The following DIP2B variants were observed in gnomAD, a reference collection of about 807,000 sequenced individuals.
DIP2B encodes the protein disco-interacting protein 2 homolog B.
DIP2B carries 76 observed loss-of-function variants against 198.0 expected under a neutral mutation model. The observed-to-expected ratio is 0.38, with a 90% confidence interval of 0.32 to 0.46. DIP2B has a LOEUF of 0.46. Ranked by LOEUF, DIP2B falls within the 20% of genes least tolerant of loss-of-function variation. The pLI is 0.99. For synonymous variants in DIP2B, 701 were observed against 739.1 expected, an observed-to-expected ratio of 0.95 and a Z score of 0.84; for missense variants, 1,559 against 1,978.4, an observed-to-expected ratio of 0.79 and a Z score of 4.02.
chr12:50,700,044 A>T (rs2139560127), intron 19 of DIP2B, among the ~76,000 whole-genome samples: 1 of 152,342 alleles, frequency 6.6e-6, no homozygotes, highest in South Asian at 2.1e-4. Flanking sequence ...CTTTCACAGG[A>T]GTCAGGTTGC....
intron 1 of DIP2B, among the ~76,000 whole-genome samples, chr12:50,554,152 T>C (rs1958449552): frequency 6.6e-6 from 1 of 152,222 alleles, no homozygotes; most frequent in Admixed American, 6.5e-5. Context: ...TGATTCTTTT[T>C]GGTTTTACCC....
intron 1 of DIP2B, among the ~76,000 whole-genome samples, chr12:50,620,984 T>C (rs903602289): frequency 6.6e-6 from 1 of 152,224 alleles, no homozygotes; most frequent in African/African-American, 2.4e-5. Context: ...AGTAGAGATT[T>C]CTGGATCTTA....
intron 1 of DIP2B, among the ~76,000 whole-genome samples, chr12:50,581,982 C>T (rs79382803): frequency 0.013 from 2,021 of 152,084 alleles, 51 homozygotes; most frequent in African/African-American, 0.046. Context: ...ACTGAATCCT[C>T]GAGTTAGGCC....
intron 1 of DIP2B, among the ~76,000 whole-genome samples, chr12:50,544,108 GT>G (rs1958353566): frequency 6.6e-6 from 1 of 150,926 alleles, no homozygotes; most frequent in Non-Finnish European, 1.5e-5. Context: ...CGCGCCTGTA[GT>G]CCCAGTTGCT....
intron 1 of DIP2B, among the ~76,000 whole-genome samples, chr12:50,538,717 A>C (rs1958292452): frequency 1.3e-5 from 2 of 152,162 alleles, no homozygotes; most frequent in Non-Finnish European, 2.9e-5. Flanking sequence ...TTCACTCTGT[A>C]TGTACAAATT....
intron 3 of DIP2B, among the ~76,000 whole-genome samples, chr12:50,658,799 C>T (rs974017937): frequency 2.0e-5 from 3 of 152,098 alleles, no homozygotes; most frequent in Non-Finnish European, 2.9e-5. Flanking sequence ...TTGCAAGAAA[C>T]AGAAGCTGGC....
chr12:50,738,057 G>A (rs1940170099), intron 35 of DIP2B, among the ~76,000 whole-genome samples: 1 of 152,064 alleles, frequency 6.6e-6, no homozygotes, highest in Non-Finnish European at 1.5e-5. Context: ...TAATAGCACT[G>A]GTGGCCGGGC....
intron 1 of DIP2B, among the ~76,000 whole-genome samples, chr12:50,563,387 A>G (rs10876059): frequency 0.32 from 48,433 of 150,964 alleles, 7,899 homozygotes; most frequent in South Asian, 0.39. Context: ...GGATTTTGCC[A>G]TATTGCCCAG....
intron 1 of DIP2B, among the ~76,000 whole-genome samples, chr12:50,578,598 C>T (rs576313599): frequency 1.3e-3 from 200 of 149,606 alleles, no homozygotes; most frequent in African/African-American, 4.8e-3. Flanking sequence ...AGCTCGGCCT[C>T]CCGGGTTCAT....
intron 19 of DIP2B, 32 bp downstream of exon 19, chr12:50,699,234 G>A: frequency 1.9e-6 from 3 of 1,612,976 alleles, no homozygotes; most frequent in South Asian, 1.1e-5. Flanking sequence ...CAGGGAAAAT[G>A]TTTGGGGATT....
intron 3 of DIP2B, among the ~76,000 whole-genome samples, chr12:50,655,961 T>C (rs1938547972): frequency 1.3e-5 from 2 of 152,070 alleles, no homozygotes; most frequent in African/African-American, 2.4e-5. Flanking sequence ...GGTGACAGAG[T>C]GAGACCCTGT....
In DIP2B at chr12:50,714,477, G is replaced by A. The variant is rs1939676880; in HGVS notation, c.2732G>A (p.Gly911Glu). ...ACATTGCCAAAAACTCCACTAGGAG[G>A]AATCCATATATCTCAGACGAAACAA... ...ANTLPKTPLG[G>E]IHISQTKQLF... Residue 911 changes from glycine (G) to glutamate (E), a missense_variant, in exon 23 of 38, where the codon GGA becomes GAA. Physicochemically the swap from Gly to Glu is moderately conservative, Grantham distance 98. Transcript: ENST00000301180. The A allele has an allele frequency of 6.2e-7, 1 of 1,614,050 alleles. No homozygotes were observed. Among genetic ancestry groups the A allele is most frequent in the Non-Finnish European group, 8.5e-7 (1 of 1,180,042 alleles).
chr12:50,555,999 T>C (rs1958467291), intron 1 of DIP2B, among the ~76,000 whole-genome samples: 1 of 152,054 alleles, frequency 6.6e-6, no homozygotes, highest in Non-Finnish European at 1.5e-5. Flanking sequence ...ATTTAGCATG[T>C]CCTGCTTCTC....
intron 1 of DIP2B, among the ~76,000 whole-genome samples, chr12:50,590,740 T>TATATATATA (rs1269728816): frequency 6.6e-6 from 1 of 152,226 alleles, no homozygotes; most frequent in Non-Finnish European, 1.5e-5. Flanking sequence ...AGTGAAAGCA[T>TATATATATA]GTTTAAAAAC....
In DIP2B at chr12:50,505,191, G is replaced by A. The variant is rs758435927; in HGVS notation, c.51G>A (p.Pro17=). Residue 17 remains proline, a synonymous_variant, in exon 1 of 38, where the codon CCG becomes CCA. Transcript: ENST00000301180. ...EPSPAAVAAL[P]PEVRAQLAEL... ...CGCCGGCCGCGGTGGCGGCGCTGCCGCCTGAAGTGCGGGCGCAGCTGGCGG... is the reference window on the plus strand; with the variant it reads ...CGCCGGCCGCGGTGGCGGCGCTGCCACCTGAAGTGCGGGCGCAGCTGGCGG... 6 of 1,524,460 alleles carry A rather than the reference G, an allele frequency of 3.9e-6. No individual in the cohort carries two copies. In the African/African-American group the frequency reaches 5.7e-5, roughly 14 times the overall value. 94.4% of individuals were successfully genotyped at this position (1,524,460 alleles called of 1,614,324 possible).
At chr12:50,548,447 A>G (rs1436498909) in intron 1 of DIP2B, among the ~76,000 whole-genome samples, 1 of 152,252 alleles carries the variant, frequency 6.6e-6, no homozygotes, top group Non-Finnish European at 1.5e-5. Flanking sequence ...AATACAGAGT[A>G]ACTGCAGTCT....
At chr12:50,625,364 C>T (rs755789409) in intron 1 of DIP2B, among the ~76,000 whole-genome samples, 4 of 152,168 alleles carry the variant, frequency 2.6e-5, no homozygotes, top group Non-Finnish European at 5.9e-5. Context: ...TGTATATGCA[C>T]TAATTTGTGC....
Position 50,558,650 on chromosome 12 carries a change from C to T in DIP2B, c.100+53410C>T, listed in dbSNP as rs530702460. The stretch of plus-strand genomic sequence containing the variant: ...TAATAGCCCCTGTTTTTTCCTCATA[C>T]CTCATTAAATGACAGTAAGAAAAAG... On this transcript the variant is annotated intron_variant, in intron 1 of 37. Transcript: ENST00000301180. Among the ~76,000 whole-genome samples the T allele has an allele frequency of 2.5e-3, 376 of 152,242 alleles. 2 individuals carry two copies. The highest frequency in any genetic ancestry group is 3.6e-3 in the Non-Finnish European group (242 of 68,026).
At chr12:50,621,452 A>AC (rs11379246) in intron 1 of DIP2B, among the ~76,000 whole-genome samples, 145,717 of 152,268 alleles carry the variant, frequency 0.96, 70,066 homozygotes, top group East Asian at 1. Flanking sequence ...CTAGTTTTCC[A>AC]CCAAGTACAC....
Sources: allele counts gnomAD v4.1 joint callset (sites outside exome capture counted in the v4.1 genomes callset), GRCh38; gene constraint gnomAD v4.1.1; transcripts MANE v1.5; gene names NCBI Gene and HGNC (gene_info 2026-07-23, HGNC 2026-07-21).